Variants in TMEM132C observed in about 807,000 individuals in gnomAD.
TMEM132C encodes the protein transmembrane protein 132C, also known as protein phosphatase 1, regulatory subunit 152.
TMEM132C carries 29 observed loss-of-function variants against 61.4 expected under a neutral mutation model. That is an observed-to-expected ratio of 0.47 (90% CI 0.35 to 0.64). TMEM132C has a LOEUF of 0.64. Among genes scored for constraint, TMEM132C ranks in the 30% least tolerant of loss-of-function variants. The pLI is 0.00. For synonymous variants in TMEM132C, 656 were observed against 633.1 expected, an observed-to-expected ratio of 1.04 and a Z score of -0.54; for missense variants, 1,408 against 1,476.9, an observed-to-expected ratio of 0.95 and a Z score of 0.76.
At chr12:128,447,827 C>A in intron 2 of TMEM132C, among the ~76,000 whole-genome samples, 1 of 119,284 alleles carries the variant, frequency 8.4e-6, no homozygotes, top group African/African-American at 3.8e-5. Flanking sequence ...CCCGGGTTCA[C>A]GCCATTCTCC....
chr12:128,615,560 T>C (rs1022048710), intron 3 of TMEM132C, among the ~76,000 whole-genome samples: 36 of 152,154 alleles, frequency 2.4e-4, no homozygotes, highest in African/African-American at 8.7e-4. Context: ...ATCCCTTACA[T>C]GCGCAGTTCA....
At chr12:128,604,888 TGATG>T (rs375376757) in intron 3 of TMEM132C, among the ~76,000 whole-genome samples, 9 of 150,880 alleles carry the variant, frequency 6.0e-5, no homozygotes, top group African/African-American at 2.0e-4. Flanking sequence ...GGATGATAGA[TGATG>T]GATGGATGGA....
intron 3 of TMEM132C, among the ~76,000 whole-genome samples, chr12:128,615,793 C>T (rs1876781166): frequency 6.6e-6 from 1 of 152,202 alleles, no homozygotes; most frequent in South Asian, 2.1e-4. Context: ...ATAGCATCTG[C>T]CACACCTACA....
chr12:128,455,638 ATAT>A (rs1165335659), intron 2 of TMEM132C, among the ~76,000 whole-genome samples: 2 of 152,228 alleles, frequency 1.3e-5, no homozygotes, highest in Non-Finnish European at 2.9e-5. Flanking sequence ...GAATAGAAAC[ATAT>A]TATAATAGAA....
At position 128,556,171 on chromosome 12, in the gene TMEM132C, G is replaced by A. The variant is rs111891772; in HGVS notation, c.1121+12068G>A. On this transcript the variant is annotated intron_variant, in intron 3 of 8. Coordinates refer to ENST00000435159, the MANE Select transcript of TMEM132C (RefSeq NM_001136103.3). ...TACTGGAGACCGAAGGGCCAGATCTGGCATCCCAAGCCTCGATTTGATGTT... is the reference window on the plus strand; with the variant it reads ...TACTGGAGACCGAAGGGCCAGATCTAGCATCCCAAGCCTCGATTTGATGTT... Among the ~76,000 whole-genome samples the A allele has an allele frequency of 1.4e-3, 216 of 152,330 alleles. 4 individuals are homozygous for A. The highest frequency in any genetic ancestry group is 4.9e-3 in the African/African-American group (203 of 41,576).
chr12:128,343,291 G>A (rs761778136), intron 1 of TMEM132C, among the ~76,000 whole-genome samples: 4 of 152,034 alleles, frequency 2.6e-5, no homozygotes, highest in Non-Finnish European at 4.4e-5. Context: ...GGGCATGGTA[G>A]CGCGTGGTTG....
chr12:128,628,954 T>C (rs1262107967), intron 4 of TMEM132C, among the ~76,000 whole-genome samples: 1 of 152,208 alleles, frequency 6.6e-6, no homozygotes, highest in African/African-American at 2.4e-5. Flanking sequence ...ATTTGAAACA[T>C]GTGAGAGCAT....
chr12:128,686,610 A>C (rs375610469), intron 5 of TMEM132C, among the ~76,000 whole-genome samples: 9 of 152,228 alleles, frequency 5.9e-5, no homozygotes, highest in African/African-American at 1.9e-4. Context: ...AAACACAACA[A>C]CACTGTGTAG....
Position 128,696,046 on chromosome 12 carries a change from C to A in TMEM132C, c.1872C>A (p.Ala624=), listed in dbSNP as rs1230515234. The part of the protein sequence containing the change: ...DFMKLEEPHV[A]TLQDSRVLVG... ...TGAAGCTGGAGGAACCTCACGTGGC[C>A]ACCCTCCAGGACAGCCGGGTCCTGG... is the stretch of plus-strand genomic sequence containing the variant. Residue 624 remains alanine, a synonymous_variant, in exon 7 of 9, where the codon GCC becomes GCA. Transcript: ENST00000435159. The A allele has an allele frequency of 6.4e-7, 1 of 1,551,704 alleles. No individual in the cohort carries two copies.
At chr12:128,469,344 T>C (rs1243361876) in intron 2 of TMEM132C, among the ~76,000 whole-genome samples, 1 of 151,522 alleles carries the variant, frequency 6.6e-6, no homozygotes, top group African/African-American at 2.4e-5. Flanking sequence ...TTTTTTTTTT[T>C]TTGACAGGAT....
intron 3 of TMEM132C, among the ~76,000 whole-genome samples, chr12:128,591,246 AC>A (rs1473760457): frequency 6.6e-6 from 1 of 151,764 alleles, no homozygotes; most frequent in Non-Finnish European, 1.5e-5. Context: ...GAAATCCTAT[AC>A]CCATTCATTT....
At chr12:128,316,605 A>G (rs1225826726) in intron 1 of TMEM132C, among the ~76,000 whole-genome samples, 5 of 152,198 alleles carry the variant, frequency 3.3e-5, no homozygotes, top group African/African-American at 1.2e-4. Flanking sequence ...ACAGACATGC[A>G]AAGACCACAA....
At chr12:128,304,767 A>G (rs1299828435) in intron 1 of TMEM132C, among the ~76,000 whole-genome samples, 1 of 152,200 alleles carries the variant, frequency 6.6e-6, no homozygotes, top group Non-Finnish European at 1.5e-5. Context: ...GTCATTTAGA[A>G]CTGTGTCCAC....
chr12:128,573,454 G>T (rs936196925), intron 3 of TMEM132C, among the ~76,000 whole-genome samples: 2 of 152,156 alleles, frequency 1.3e-5, no homozygotes, highest in East Asian at 1.9e-4. Context: ...GCCTGTCGTG[G>T]GGTGGGGGGA....
At chr12:128,654,119 T>A (rs1188102006) in intron 4 of TMEM132C, among the ~76,000 whole-genome samples, 1 of 152,230 alleles carries the variant, frequency 6.6e-6, no homozygotes, top group Non-Finnish European at 1.5e-5. Context: ...GAAGTCCTAA[T>A]CCTCAGTACC....
intron 1 of TMEM132C, among the ~76,000 whole-genome samples, chr12:128,316,139 G>A (rs1353072434): frequency 6.6e-6 from 1 of 151,908 alleles, no homozygotes; most frequent in Non-Finnish European, 1.5e-5. Context: ...TTTTGTTTTG[G>A]TTTCTTACAT....
intron 3 of TMEM132C, among the ~76,000 whole-genome samples, chr12:128,574,135 A>G (rs1397840264): frequency 2.0e-5 from 3 of 152,162 alleles, no homozygotes; most frequent in African/African-American, 4.8e-5. Context: ...CTGGGCCAGA[A>G]CGCCACTTCC....
intron 2 of TMEM132C, among the ~76,000 whole-genome samples, chr12:128,502,378 A>G (rs908385434): frequency 2.0e-5 from 3 of 152,372 alleles, no homozygotes; most frequent in East Asian, 1.9e-4. Context: ...TGGGAGAACA[A>G]GGTGATTCCT....
At chr12:128,284,390 T>C (rs1426496253) in intron 1 of TMEM132C, among the ~76,000 whole-genome samples, 1 of 152,204 alleles carries the variant, frequency 6.6e-6, no homozygotes, top group East Asian at 1.9e-4. Context: ...GTCCTACAAC[T>C]GGGGACACTG....
Sources: allele counts gnomAD v4.1 joint callset (sites outside exome capture counted in the v4.1 genomes callset), GRCh38; gene constraint gnomAD v4.1.1; transcripts MANE v1.5; gene names NCBI Gene and HGNC (gene_info 2026-07-23, HGNC 2026-07-21).